EWSR1: variants seen among roughly 807,000 people sequenced by gnomAD.
EWSR1 encodes EWS RNA binding protein 1.
Under a neutral mutation model 92.1 loss-of-function variants are expected in EWSR1, and 14 were observed. That is an observed-to-expected ratio of 0.15 (90% CI 0.10 to 0.24). The LOEUF (loss-of-function observed/expected upper bound fraction) is 0.24. EWSR1 is among the 10% of genes least tolerant of loss of function. The pLI is 1.00. For synonymous variants in EWSR1, 303 were observed against 292.9 expected, an observed-to-expected ratio of 1.03 and a Z score of -0.35; for missense variants, 637 against 870.9, an observed-to-expected ratio of 0.73 and a Z score of 3.38.
rs1438271879 is a variant in EWSR1 at position 29,299,750 on chromosome 22, T to C, written c.1830T>C (p.Phe610=). 1 of 1,609,284 alleles carries C rather than the reference T, an allele frequency of 6.2e-7. No individual in the cohort carries two copies. Among genetic ancestry groups the C allele is most frequent in the Admixed American group, 1.7e-5 (1 of 59,542 alleles). The part of the protein sequence containing the change: ...RGGRGMDRGG[F]GGGRRGGPGG... ...GCCGGGGCATGGACCGAGGTGGCTT[T>C]GGTGGAGGAAGACGAGGTGGCCCTG... is the stretch of plus-strand genomic sequence containing the variant. The change falls in exon 16 of 17, where the codon TTT becomes TTC. Residue 610 remains phenylalanine (F), a synonymous_variant. Transcript: ENST00000397938.
chr22:29,268,536 T>C (rs2058325888), intron 1 of EWSR1, among the ~76,000 whole-genome samples, 187 bp downstream of exon 1: 1 of 152,172 alleles, frequency 6.6e-6, no homozygotes, highest in South Asian at 2.1e-4. Context: ...GGGCCGGTTC[T>C]GGAATCTTCC....
At position 29,287,084 on chromosome 22, in the gene EWSR1, G is replaced by A; in HGVS notation, c.743G>A (p.Ser248Asn). 6.2e-7 allele frequency: 1 copy of A among 1,614,076 alleles called. No individual in the cohort carries two copies. Among genetic ancestry groups the A allele is most frequent in the Non-Finnish European group, 8.5e-7 (1 of 1,179,948 alleles). Residue 248 changes from serine to asparagine, a missense_variant, in exon 7 of 17, where the codon AGC (serine) becomes AAC (asparagine). This residue lies in a region of EWSR1 where 116 missense variants were observed against 167.8 expected (regional missense o/e 0.69). Transcript: ENST00000397938. Reference protein sequence around the residue: ...TSYPPQTGSYSQAPSQYSQQS... With the variant: ...TSYPPQTGSYNQAPSQYSQQS... ...TACCCACCCCAAACTGGATCCTACA[G>A]CCAAGCTCCAAGTCAATATAGCCAA...
In EWSR1 at chr22:29,299,584, C is replaced by CTATTCTCACCTTA. The variant is rs1352115863; in HGVS notation, c.1679-14_1679-2dup. 6.3e-6 allele frequency: 10 copies of CTATTCTCACCTTA among 1,575,900 alleles called. No homozygotes were observed. Among genetic ancestry groups the CTATTCTCACCTTA allele is most frequent in the Non-Finnish European group, 8.6e-6 (10 of 1,156,758 alleles). On this transcript the variant is annotated splice_polypyrimidine_tract_variant and intron_variant, in intron 15 of 16. Coordinates refer to ENST00000397938, the MANE Select transcript of EWSR1 (RefSeq NM_005243.4). ...CCACCCACTGACTGCTTTCGCCCTG[C>CTATTCTCACCTTA]TATTCTCACCTTAGGTGGTGATCGT...
chr22:29,297,705 A>T, intron 12 of EWSR1, 122 bp from the exon 13 acceptor site: 1 of 1,339,780 alleles, frequency 7.5e-7, no homozygotes, highest in Non-Finnish European at 1.0e-6. Context: ...CCTTGTCATT[A>T]AAGATCTTAG....
chr22:29,282,021 C>T (rs1310946582), intron 5 of EWSR1, among the ~76,000 whole-genome samples: 6 of 152,152 alleles, frequency 3.9e-5, no homozygotes, highest in Non-Finnish European at 8.8e-5. Context: ...TCAGCAGTCC[C>T]CTTTGAGAAA....
At chr22:29,285,390 G>A (rs2059950430) in intron 6 of EWSR1, among the ~76,000 whole-genome samples, 2 of 151,198 alleles carry the variant, frequency 1.3e-5, no homozygotes, top group Admixed American at 1.3e-4. Context: ...CCAAAGTGCT[G>A]GGATTACAGG....
At chr22:29,298,047 G>C in intron 13 of EWSR1, 98 bp downstream of exon 13, 1 of 1,350,856 alleles carries the variant, frequency 7.4e-7, no homozygotes, top group East Asian at 2.3e-5. Context: ...ATAAAATTGT[G>C]TGTAGAGTCA....
Position 29,298,903 on chromosome 22 carries a change from C to T in EWSR1, c.1580+8C>T. The T allele has an allele frequency of 6.5e-7, 1 of 1,533,918 alleles. No homozygotes were observed. Among genetic ancestry groups the T allele is most frequent in the South Asian group, 1.3e-5 (1 of 77,268 alleles). ...CTGGCAGTGTCCCAATCCGTATGTACTTGTCTTGGCAAATTGATACCCTAC... is the reference window on the plus strand; with the variant it reads ...CTGGCAGTGTCCCAATCCGTATGTATTTGTCTTGGCAAATTGATACCCTAC... On this transcript the variant is annotated splice_region_variant and intron_variant, in intron 14 of 16. Coordinates refer to ENST00000397938, the MANE Select transcript of EWSR1 (RefSeq NM_005243.4).
chr22:29,290,149 C>A (rs1485277938), intron 8 of EWSR1: 3 of 321,318 alleles, frequency 9.3e-6, no homozygotes, highest in Non-Finnish European at 1.7e-5. Context: ...GTCTCTCTTG[C>A]AGCCATAGAA....
At chr22:29,268,744 C>T (rs759465512) in intron 1 of EWSR1, among the ~76,000 whole-genome samples, 23 of 152,382 alleles carry the variant, frequency 1.5e-4, no homozygotes, top group Non-Finnish European at 2.6e-4. Context: ...CCGGGGGGCC[C>T]GCAGGCTGCT....
Position 29,278,088 on chromosome 22 carries a change from T to C in EWSR1, c.285T>C (p.Thr95=), listed in dbSNP as rs2059258728. 1.9e-6 allele frequency: 3 copies of C among 1,614,102 alleles called. No individual in the cohort carries two copies. Among genetic ancestry groups the C allele is most frequent in the Non-Finnish European group, 2.5e-6 (3 of 1,179,964 alleles). The change falls in exon 5 of 17, where the codon ACT becomes ACC. Residue 95 remains threonine (T), a synonymous_variant. Coordinates refer to ENST00000397938, the MANE Select transcript of EWSR1 (RefSeq NM_005243.4). ...AYSQPVQGYG[T]GAYDTTTATV... The stretch of plus-strand genomic sequence containing the variant: ...GCCAGCCTGTCCAGGGGTATGGCAC[T>C]GGTGCTTATGATACCACCACTGCTA...
intron 4 of EWSR1, chr22:29,274,448 T>A: frequency 1.5e-6 from 1 of 648,426 alleles, no homozygotes; most frequent in Non-Finnish European, 2.8e-6. Context: ...TGCAGATCCA[T>A]GTCCTATTCT....
intron 4 of EWSR1, chr22:29,276,097 T>C (rs2059098732): frequency 4.3e-6 from 1 of 232,104 alleles, no homozygotes; most frequent in African/African-American, 2.2e-5. Context: ...CTGCATAGTT[T>C]TATGACATGA....
At chr22:29,272,026 T>C (rs2058719766) in intron 1 of EWSR1, among the ~76,000 whole-genome samples, 190 bp from the exon 2 acceptor site, 1 of 152,204 alleles carries the variant, frequency 6.6e-6, no homozygotes, top group African/African-American at 2.4e-5. Context: ...AGTCAAATGT[T>C]GAGTTTAACT....
chr22:29,298,609 C>T (rs2061069925), intron 13 of EWSR1, 124 bp from the exon 14 acceptor site: 17 of 1,215,594 alleles, frequency 1.4e-5, no homozygotes, highest in South Asian at 5.0e-5. Flanking sequence ...CACGGAAACA[C>T]GGGACAGGTG....
At position 29,292,173 on chromosome 22, in the gene EWSR1, A is replaced by G. The variant is rs2060488753; in HGVS notation, c.1045+4A>G. 1 of 1,613,660 alleles carries G rather than the reference A, an allele frequency of 6.2e-7. No individual in the cohort carries two copies. On this transcript the variant is annotated splice_donor_region_variant and intron_variant, in intron 10 of 16. Coordinates refer to ENST00000397938, the MANE Select transcript of EWSR1 (RefSeq NM_005243.4). ...GAAGGACCAGATCTTGATCTAGGTA[A>G]TTTTGAATTCTAGTTGTGCTTCATA...
intron 13 of EWSR1, among the ~76,000 whole-genome samples, chr22:29,298,532 G>T (rs2061060445): frequency 1.3e-5 from 2 of 152,054 alleles, no homozygotes. Context: ...AAAATTGTGG[G>T]AGCTCTGTTT....
At chr22:29,281,258 A>G (rs900564557) in intron 5 of EWSR1, among the ~76,000 whole-genome samples, 24 of 151,618 alleles carry the variant, frequency 1.6e-4, no homozygotes, top group African/African-American at 5.8e-4. Context: ...CATGCAATCC[A>G]CCTGCCTTGG....
chr22:29,291,157 G>A (rs1264147179), intron 8 of EWSR1: 1 of 247,742 alleles, frequency 4.0e-6, no homozygotes, highest in Non-Finnish European at 7.8e-6. Flanking sequence ...TCTCCCTTGG[G>A]AGAGGTTGAG....
Sources: allele counts gnomAD v4.1 joint callset (sites outside exome capture counted in the v4.1 genomes callset), GRCh38; gene constraint gnomAD v4.1.1; regional missense constraint gnomAD v4.1.1; transcripts MANE v1.5; gene names NCBI Gene and HGNC (gene_info 2026-07-23, HGNC 2026-07-21).